Variants in SND1 observed in about 807,000 individuals in gnomAD.
SND1 encodes the protein staphylococcal nuclease domain-containing protein 1.
Under a neutral mutation model 121.7 loss-of-function variants are expected in SND1, and 38 were observed. That is an observed-to-expected ratio of 0.31 (90% CI 0.24 to 0.41). SND1 has a LOEUF of 0.41. Among genes scored for constraint, SND1 ranks in the 10% least tolerant of loss-of-function variants. The probability of loss-of-function intolerance (pLI) is 1.00; values close to 1 mark genes in which losing one functional copy is unlikely to be tolerated. For synonymous variants in SND1, 401 were observed against 447.4 expected (o/e 0.90, Z 1.31); for missense variants, 868 against 1,184.6 (o/e 0.73, Z 3.92).
At chr7:128,032,209 G>C (rs1792639896) in intron 16 of SND1, 1 of 151,300 alleles carries the variant, frequency 6.6e-6, no homozygotes, top group Non-Finnish European at 1.5e-5. Context: ...GGTTAACGCC[G>C]GCGCCTTCCA....
At chr7:127,856,754 T>C (rs961310054) in intron 12 of SND1, among the ~76,000 whole-genome samples, 1 of 152,200 alleles carries the variant, frequency 6.6e-6, no homozygotes, top group Non-Finnish European at 1.5e-5. Context: ...TCAGTAGCAA[T>C]GGGAACTATA....
chr7:127,654,827 G>A (rs2116217035), intron 1 of SND1, among the ~76,000 whole-genome samples: 1 of 152,340 alleles, frequency 6.6e-6, no homozygotes, highest in East Asian at 1.9e-4. Flanking sequence ...GTGACAGGCA[G>A]ATTTGTGCCA....
At chr7:127,699,915 A>T (rs184111657) in intron 4 of SND1, among the ~76,000 whole-genome samples, 2 of 152,236 alleles carry the variant, frequency 1.3e-5, no homozygotes, top group Non-Finnish European at 2.9e-5. Context: ...CTTCACAGAC[A>T]TAGGGGCCAG....
At chr7:127,782,858 G>A (rs1797747287) in intron 10 of SND1, among the ~76,000 whole-genome samples, 1 of 152,184 alleles carries the variant, frequency 6.6e-6, no homozygotes. Context: ...ACTGCTGTAT[G>A]TGTATTCGTT....
At chr7:127,919,859 A>C (rs1800661397) in intron 14 of SND1, among the ~76,000 whole-genome samples, 1 of 152,160 alleles carries the variant, frequency 6.6e-6, no homozygotes, top group East Asian at 1.9e-4. Flanking sequence ...ATTTGATATA[A>C]ATTGGATGTT....
chr7:127,985,388 G>T (rs933298792), intron 15 of SND1, among the ~76,000 whole-genome samples: 1 of 152,162 alleles, frequency 6.6e-6, no homozygotes, highest in South Asian at 2.1e-4. Context: ...CTCCTGAGTA[G>T]CTGGCCCTAC....
At chr7:127,963,287 G>A (rs1019099289) in intron 15 of SND1, among the ~76,000 whole-genome samples, 1 of 149,090 alleles carries the variant, frequency 6.7e-6, no homozygotes, top group Non-Finnish European at 1.5e-5. Context: ...AAGTTTTAGG[G>A]TACATGTGCA....
intron 12 of SND1, among the ~76,000 whole-genome samples, chr7:127,868,093 T>C (rs758258731): frequency 1.8e-4 from 27 of 152,090 alleles, no homozygotes; most frequent in Non-Finnish European, 3.7e-4. Context: ...TGCTTACTTA[T>C]AATAAGACTC....
At chr7:127,845,940 G>A (rs1799053808) in intron 12 of SND1, among the ~76,000 whole-genome samples, 1 of 152,100 alleles carries the variant, frequency 6.6e-6, no homozygotes, top group African/African-American at 2.4e-5. Flanking sequence ...ACTTTACAGG[G>A]CAGAGTGTTG....
intron 15 of SND1, among the ~76,000 whole-genome samples, chr7:127,946,903 A>T (rs923725210): frequency 1.3e-5 from 2 of 152,222 alleles, no homozygotes; most frequent in African/African-American, 4.8e-5. Flanking sequence ...CTAGCTATTT[A>T]TGTATTTTTA....
intron 16 of SND1, among the ~76,000 whole-genome samples, chr7:128,016,907 C>G (rs1803236898): frequency 6.6e-6 from 1 of 152,210 alleles, no homozygotes; most frequent in Non-Finnish European, 1.5e-5. Flanking sequence ...AAATTCTAGT[C>G]ATTTGGAAGT....
intron 16 of SND1, chr7:127,999,790 T>G (rs1017411021): frequency 1.3e-5 from 2 of 152,260 alleles, no homozygotes; most frequent in East Asian, 3.9e-4. Context: ...TGAAATGATA[T>G]TCTTAATGAG....
chr7:127,885,910 A>G (rs567569395), intron 12 of SND1, among the ~76,000 whole-genome samples: 4 of 152,006 alleles, frequency 2.6e-5, no homozygotes, highest in African/African-American at 9.6e-5. Flanking sequence ...CCCCCATGCC[A>G]CTCCCCAGCC....
At chr7:127,696,195 G>A (rs1485029310) in intron 3 of SND1, among the ~76,000 whole-genome samples, 1 of 152,128 alleles carries the variant, frequency 6.6e-6, no homozygotes, top group Non-Finnish European at 1.5e-5. Context: ...AAGCAAGCAG[G>A]GTAGAATGAC....
chr7:128,005,088 G>A (rs1378646003), intron 16 of SND1, among the ~76,000 whole-genome samples: 1 of 152,230 alleles, frequency 6.6e-6, no homozygotes, highest in Non-Finnish European at 1.5e-5. Flanking sequence ...TTGCTTTCCT[G>A]TCCAGAATTA....
intron 12 of SND1, among the ~76,000 whole-genome samples, chr7:127,866,028 T>C (rs2116691403): frequency 6.6e-6 from 1 of 152,172 alleles, no homozygotes; most frequent in East Asian, 1.9e-4. Context: ...GGTTTCAAAC[T>C]CCAGTGTGCC....
intron 16 of SND1, among the ~76,000 whole-genome samples, chr7:128,068,083 C>T (rs1198366003): frequency 6.6e-6 from 1 of 152,144 alleles, no homozygotes; most frequent in Non-Finnish European, 1.5e-5. Flanking sequence ...CAGCTTTGCG[C>T]CTACTTGGAA....
In SND1 at chr7:127,901,969, T is replaced by C. The variant is rs115071150; in HGVS notation, c.1455-2778T>C. 7.8e-3 allele frequency among the ~76,000 whole-genome samples: 1,185 copies of C among 152,338 alleles called. 9 individuals carry two copies. The highest frequency in any genetic ancestry group is 0.027 in the African/African-American group (1,138 of 41,574). ...GTTATTGTTTTAAATGTCATATGTATACTATTATCCACGTCTTCCAGTTTC... is the reference window on the plus strand; with the variant it reads ...GTTATTGTTTTAAATGTCATATGTACACTATTATCCACGTCTTCCAGTTTC... On this transcript the variant is annotated intron_variant, in intron 13 of 23. Coordinates refer to ENST00000354725, the MANE Select transcript of SND1 (RefSeq NM_014390.4).
At chr7:127,754,248 T>C (rs1797153994) in intron 10 of SND1, among the ~76,000 whole-genome samples, 4 of 152,200 alleles carry the variant, frequency 2.6e-5, no homozygotes, top group African/African-American at 7.2e-5. Context: ...AATAAAATAA[T>C]TTTTCTTTCT....
Sources: allele counts gnomAD v4.1 joint callset (sites outside exome capture counted in the v4.1 genomes callset), GRCh38; gene constraint gnomAD v4.1.1; transcripts MANE v1.5; gene names NCBI Gene and HGNC (gene_info 2026-07-23, HGNC 2026-07-21).